Variants in FHIT observed in about 807,000 individuals in gnomAD.
FHIT encodes the protein fragile histidine triad diadenosine triphosphatase, also known as bis(5'-adenosyl)-triphosphatase.
In FHIT, 19 loss-of-function variants were observed where a neutral mutation model predicts 17.9. The ratio of observed to expected loss-of-function variants is 1.06; its 90% CI spans 0.74 to 1.56. FHIT has a LOEUF of 1.56. Among genes scored for constraint, FHIT ranks in the 40% most tolerant of loss-of-function variants. The probability of loss-of-function intolerance (pLI) is 0.00; values close to 1 mark genes in which losing one functional copy is unlikely to be tolerated. For synonymous variants in FHIT, 81 were observed against 69.7 expected, an observed-to-expected ratio of 1.16 and a Z score of -0.81; for missense variants, 248 against 189.2, an observed-to-expected ratio of 1.31 and a Z score of -1.82.
At chr3:60,152,149 G>A (rs143760227) in intron 5 of FHIT, among the ~76,000 whole-genome samples, 144 of 152,210 alleles carry the variant, frequency 9.5e-4, no homozygotes, top group African/African-American at 3.3e-3. Context: ...ACCTGTTCTT[G>A]GTTCCCTTTG....
At chr3:60,058,143 T>TC (rs1559591748) in intron 5 of FHIT, among the ~76,000 whole-genome samples, 1 of 135,640 alleles carries the variant, frequency 7.4e-6, no homozygotes, top group African/African-American at 2.8e-5. Context: ...TTTTTTTTTT[T>TC]TTTTTTTTTT....
intron 5 of FHIT, among the ~76,000 whole-genome samples, chr3:60,149,984 GCC>G (rs1491563661): frequency 1.3e-5 from 1 of 78,370 alleles, no homozygotes; most frequent in Admixed American, 1.7e-4. Flanking sequence ...AAACCTTTAA[GCC>G]TTTTTTTTTT....
chr3:60,467,818 A>G (rs967407910), intron 5 of FHIT, among the ~76,000 whole-genome samples: 3 of 152,112 alleles, frequency 2.0e-5, no homozygotes, highest in Non-Finnish European at 2.9e-5. Context: ...GTAAATGTCT[A>G]TTAGGTCCAT....
chr3:60,594,919 G>A (rs1248661069), intron 4 of FHIT, among the ~76,000 whole-genome samples: 5 of 151,944 alleles, frequency 3.3e-5, no homozygotes, highest in African/African-American at 1.2e-4. Flanking sequence ...CCCTATTTGA[G>A]GCCAGTCCTT....
At chr3:59,806,112 C>T (rs1175435911) in intron 8 of FHIT, among the ~76,000 whole-genome samples, 4 of 148,488 alleles carry the variant, frequency 2.7e-5, no homozygotes, top group African/African-American at 5.0e-5. Context: ...ACCCAGGAGG[C>T]GGAGCTTGCA....
chr3:60,168,796 G>C (rs543819513), intron 5 of FHIT, among the ~76,000 whole-genome samples: 3 of 152,256 alleles, frequency 2.0e-5, no homozygotes, highest in African/African-American at 4.8e-5. Flanking sequence ...GATTATTTTT[G>C]TAACGATTGA....
At chr3:60,243,432 T>C (rs894381065) in intron 5 of FHIT, among the ~76,000 whole-genome samples, 1 of 152,122 alleles carries the variant, frequency 6.6e-6, no homozygotes, top group African/African-American at 2.4e-5. Flanking sequence ...TGTCAAGAAC[T>C]ACTGGCCATG....
intron 5 of FHIT, among the ~76,000 whole-genome samples, chr3:60,276,787 A>G (rs900144558): frequency 6.6e-6 from 1 of 152,178 alleles, no homozygotes; most frequent in Non-Finnish European, 1.5e-5. Flanking sequence ...AAGGCGAGCC[A>G]GCATGTCACA....
At chr3:61,114,156 T>C (rs1307143113) in intron 2 of FHIT, among the ~76,000 whole-genome samples, 1 of 152,186 alleles carries the variant, frequency 6.6e-6, no homozygotes, top group African/African-American at 2.4e-5. Flanking sequence ...TCTATTTATA[T>C]TGTTTCCAGT....
chr3:60,544,114 C>G (rs1409010721), intron 4 of FHIT, among the ~76,000 whole-genome samples: 2 of 151,520 alleles, frequency 1.3e-5, no homozygotes, highest in Non-Finnish European at 2.9e-5. Context: ...TCATATCTTT[C>G]ATGGCAATTT....
chr3:60,123,967 AATATATATATATATATATAT>A lies in FHIT; in HGVS notation c.104-109835_104-109816del, dbSNP rs1176212050. ...CTTCCATTAACAGAAATGCACTAAAAATATATATATATATATATATATATATATATATATATATATATAGA... is the reference window on the plus strand; with the variant it reads ...CTTCCATTAACAGAAATGCACTAAAAATATATATATATATATATATATAGA... On this transcript the variant is annotated intron_variant, in intron 5 of 9. Coordinates refer to ENST00000492590, the MANE Select transcript of FHIT (RefSeq NM_002012.4). Among the ~76,000 whole-genome samples the A allele has an allele frequency of 3.3e-3, 91 of 27,782 alleles. 10 individuals are homozygous for A. Among genetic ancestry groups the A allele is most frequent in the South Asian group, 6.7e-3 (5 of 742 alleles). The allele number at this position is 27,782 out of a possible 152,430, so 18.2% of individuals were successfully genotyped here.
At chr3:60,193,713 C>G (rs943079622) in intron 5 of FHIT, among the ~76,000 whole-genome samples, 3 of 152,078 alleles carry the variant, frequency 2.0e-5, no homozygotes, top group African/African-American at 7.2e-5. Context: ...ACATCCTGAC[C>G]CTGCAAACAG....
At chr3:60,710,553 C>T (rs372888073) in intron 4 of FHIT, among the ~76,000 whole-genome samples, 128 of 152,300 alleles carry the variant, frequency 8.4e-4, no homozygotes, top group Middle Eastern at 6.8e-3. Flanking sequence ...CCTGGAAAAT[C>T]GGGCCCCTCC....
chr3:61,241,357 G>A (rs2106921775), intron 1 of FHIT, among the ~76,000 whole-genome samples: 1 of 152,270 alleles, frequency 6.6e-6, no homozygotes, highest in South Asian at 2.1e-4. Context: ...AACATCTACT[G>A]ACAAAACCAA....
intron 4 of FHIT, among the ~76,000 whole-genome samples, chr3:60,819,026 C>A (rs1384557127): frequency 6.9e-6 from 1 of 143,890 alleles, no homozygotes; most frequent in Non-Finnish European, 1.5e-5. Context: ...TTTTTCTTTT[C>A]TTTTTTCTTT....
intron 8 of FHIT, among the ~76,000 whole-genome samples, chr3:59,885,396 A>G (rs1703578786): frequency 1.3e-5 from 2 of 151,778 alleles, no homozygotes; most frequent in Admixed American, 1.3e-4. Flanking sequence ...AAATGCCCTC[A>G]GAAACAGCCC....
intron 1 of FHIT, among the ~76,000 whole-genome samples, chr3:61,242,781 C>T (rs1487761120): frequency 6.6e-6 from 1 of 152,120 alleles, no homozygotes; most frequent in Non-Finnish European, 1.5e-5. Context: ...CAAAGCTGTC[C>T]TCCTGTGCTG....
chr3:60,958,856 A>T (rs535690952), intron 3 of FHIT, among the ~76,000 whole-genome samples: 1 of 152,294 alleles, frequency 6.6e-6, no homozygotes, highest in East Asian at 1.9e-4. Context: ...TCTTCTTTGG[A>T]AAGAATTATT....
At chr3:59,933,473 CT>C (rs1357141900) in intron 7 of FHIT, among the ~76,000 whole-genome samples, 1 of 151,890 alleles carries the variant, frequency 6.6e-6, no homozygotes, top group African/African-American at 2.4e-5. Context: ...CTGTTGTCTC[CT>C]TTTTTTTCAG....
Sources: gnomAD v4.1 joint callset for allele counts (sites outside exome capture counted in the v4.1 genomes callset) on GRCh38, gnomAD v4.1.1 for gene constraint, MANE v1.5 for transcripts, NCBI Gene and HGNC (gene_info 2026-07-23, HGNC 2026-07-21) for gene names.